The following GNG7 variants were observed in gnomAD, a reference collection of about 807,000 sequenced individuals.
GNG7 encodes guanine nucleotide-binding protein G(I)/G(S)/G(O) subunit gamma-7.
GNG7 carries 1 observed loss-of-function variant against 4.0 expected under a neutral mutation model. The observed-to-expected ratio is 0.25, with a 90% CI of 0.09 to 1.18. The LOEUF is 1.18. Among genes scored for constraint, GNG7 ranks in the 50% most tolerant of loss-of-function variants. The probability of loss-of-function intolerance (pLI) is 0.50; values close to 1 mark genes in which losing one functional copy is unlikely to be tolerated. For missense variants in GNG7, 86 were observed against 91.9 expected (o/e 0.94, Z 0.26); for synonymous variants, 34 against 36.9 (o/e 0.92, Z 0.29).
intron 1 of GNG7, among the ~76,000 whole-genome samples, chr19:2,690,072 C>CT (rs1300227494): frequency 6.6e-6 from 1 of 151,762 alleles, no homozygotes; most frequent in Non-Finnish European, 1.5e-5. Flanking sequence ...CTTCCTTTGA[C>CT]TTTTTTTTCC....
At position 2,641,664 on chromosome 19, in the gene GNG7, T is replaced by A. The variant is rs115425268; in HGVS notation, c.-78+4560A>T. Among the ~76,000 whole-genome samples, 506 of 152,164 alleles carry A rather than the reference T, an allele frequency of 3.3e-3. 2 individuals are homozygous for A. The highest frequency in any genetic ancestry group is 0.012 in the African/African-American group (489 of 41,516). On this transcript the variant is annotated intron_variant, in intron 2 of 4. Coordinates refer to ENST00000382159, the MANE Select transcript of GNG7 (RefSeq NM_052847.3). ...AGGCCTATGTTAGACTTCTTTTTTT[T>A]TTATTTTTTCTTTTTTTGAGATGGA...
intron 2 of GNG7, among the ~76,000 whole-genome samples, chr19:2,571,588 C>CTTTTTTTTTTTTTTTTTTTTTT (rs779497111): frequency 7.4e-5 from 5 of 68,012 alleles, no homozygotes; most frequent in Non-Finnish European, 1.0e-4. Context: ...CATTTCTTTC[C>CTTTTTTTTTTTTTTTTTTTTTT]TTTTTTTTTT....
rs762161135 is a variant in GNG7, at chr19:2,611,868, A to C, written c.-78+34356T>G. ...ATAAAAAGTAAAAGTAAAAGTAAAT[A>C]AAAATAAAAATCTTTTTTTTTTTTG... On this transcript the variant is annotated intron_variant, in intron 2 of 4. Transcript: ENST00000382159. This position sits in a 1 kb window ranked among gnomAD's most constrained non-coding sequence, Gnocchi z 6.0. 6.6e-6 allele frequency: 1 copy of C among 152,110 alleles called. No individual in the cohort carries two copies. The highest frequency in any genetic ancestry group is 1.5e-5 in the Non-Finnish European group (1 of 68,028). 9.4% of individuals were successfully genotyped at this position (152,110 alleles called of 1,614,324 possible).
Position 2,621,793 on chromosome 19 carries a change from C to G in GNG7, c.-78+24431G>C, listed in dbSNP as rs533384327. Among the ~76,000 whole-genome samples the G allele has an allele frequency of 3.3e-5, 5 of 152,282 alleles. No individual in the cohort carries two copies. The South Asian group carries it at 1.0e-3, about 32-fold the overall frequency. The stretch of plus-strand genomic sequence containing the variant: ...GACTGGAGCAATTCGACGGTAAGCA[C>G]AAGCCAGGTTTGCCAGAGCCCCCAG... On this transcript the variant is annotated intron_variant, in intron 2 of 4. Transcript: ENST00000382159.
chr19:2,574,877 G>T (rs1325737935), intron 2 of GNG7, among the ~76,000 whole-genome samples: 1 of 152,120 alleles, frequency 6.6e-6, no homozygotes, highest in African/African-American at 2.4e-5. Context: ...GTCCGAAACC[G>T]CACTTGTTAT....
rs74470831 is a variant in GNG7, at chr19:2,515,291, G to A, written c.82-144C>T. 1.3e-3 allele frequency: 1,180 copies of A among 903,636 alleles called. 10 individuals are homozygous for A. The African/African-American group carries it at 0.017, about 13-fold the overall frequency. The allele number at this position is 903,636 out of a possible 1,614,324, so 56.0% of individuals were successfully genotyped here. ...GGGGCGTGGGCAAACAGTGCGGCCC[G>A]TCCACACGCTGGAATATTACTCAGC... On this transcript the variant is annotated intron_variant, in intron 4 of 4. Transcript: ENST00000382159.
intron 1 of GNG7, among the ~76,000 whole-genome samples, chr19:2,661,270 A>AAAGAAAGAAAGAAAGAAAGAAAGG (rs1568277669): frequency 1.4e-4 from 10 of 70,916 alleles, no homozygotes; most frequent in Middle Eastern, 7.5e-3. Flanking sequence ...AGAAAGAAAG[A>AAAGAAAGAAAGAAAGAAAGAAAGG]AAAGAAAGAA....
chr19:2,701,882 C>T (rs1913408977), intron 1 of GNG7, among the ~76,000 whole-genome samples: 1 of 149,352 alleles, frequency 6.7e-6, no homozygotes. Flanking sequence ...GCCCCCTCCC[C>T]AGCTAACCTC....
At chr19:2,552,837 ATCC>A (rs1168428240) in intron 3 of GNG7, among the ~76,000 whole-genome samples, 1 of 113,424 alleles carries the variant, frequency 8.8e-6, no homozygotes, top group African/African-American at 3.3e-5. Flanking sequence ...TCCCCAAACC[ATCC>A]TCCCGGCTCC....
In GNG7 at chr19:2,653,511, A is replaced by G. The variant is rs2144869023; in HGVS notation, c.-134-7231T>C. ...GGTTTATACCGTCTTCCCCATCAGGAGTTTATCCTGGTGTCTGGAGTGAGA... is the reference window on the plus strand; with the variant it reads ...GGTTTATACCGTCTTCCCCATCAGGGGTTTATCCTGGTGTCTGGAGTGAGA... On this transcript the variant is annotated intron_variant, in intron 1 of 4. Transcript: ENST00000382159. The surrounding 1 kb of genome is among the most constrained non-coding windows in gnomAD (Gnocchi z 4.8). Among the ~76,000 whole-genome samples the G allele has an allele frequency of 6.6e-6, 1 of 152,164 alleles. No homozygotes were observed. The highest frequency in any genetic ancestry group is 1.5e-5 in the Non-Finnish European group (1 of 67,992).
intron 3 of GNG7, among the ~76,000 whole-genome samples, chr19:2,531,771 A>C (rs200235315): frequency 2.3e-3 from 138 of 59,844 alleles, no homozygotes; most frequent in Middle Eastern, 7.5e-3. Context: ...ACTCCGTCCC[A>C]AAAAAAAAAA....
intron 2 of GNG7, among the ~76,000 whole-genome samples, chr19:2,558,786 T>A (rs1979644933): frequency 6.6e-6 from 1 of 151,832 alleles, no homozygotes. Flanking sequence ...TTCTTCTCTC[T>A]CTTTCCTTTT....
chr19:2,546,581 G>T lies in GNG7; in HGVS notation c.-38+8568C>A, dbSNP rs770595983. 6.6e-6 allele frequency among the ~76,000 whole-genome samples: 1 copy of T among 152,204 alleles called. No individual in the cohort carries two copies. Among genetic ancestry groups the T allele is most frequent in the African/African-American group, 2.4e-5 (1 of 41,438 alleles). On this transcript the variant is annotated intron_variant, in intron 3 of 4. Transcript: ENST00000382159. The surrounding 1 kb of genome is among the most constrained non-coding windows in gnomAD (Gnocchi z 6.3). ...TATATTTAGAAGGGGCTAAAGAGAG[G>T]GAATGAATGAGGTGCCCACGAGAAA... is the stretch of plus-strand genomic sequence containing the variant.
At chr19:2,548,587 G>A (rs1027582786) in intron 3 of GNG7, among the ~76,000 whole-genome samples, 8 of 129,970 alleles carry the variant, frequency 6.2e-5, no homozygotes, top group South Asian at 2.5e-4. Flanking sequence ...TCAGGAGTTC[G>A]ATACCAGCCT....
chr19:2,666,107 C>G (rs183931743), intron 1 of GNG7, among the ~76,000 whole-genome samples: 1 of 152,274 alleles, frequency 6.6e-6, no homozygotes, highest in Admixed American at 6.5e-5. Context: ...CTCAGGTGAT[C>G]TGCCTGCTTC....
intron 2 of GNG7, among the ~76,000 whole-genome samples, chr19:2,606,981 G>C (rs547444358): frequency 2.6e-5 from 4 of 152,114 alleles, no homozygotes; most frequent in South Asian, 2.1e-4. Context: ...AGCACCTCAG[G>C]AGGCCGAGGC....
chr19:2,619,332 T>C (rs921215103), intron 2 of GNG7, among the ~76,000 whole-genome samples: 1 of 152,188 alleles, frequency 6.6e-6, no homozygotes, highest in African/African-American at 2.4e-5. Context: ...ATATTGCTTG[T>C]GGTGGCTTTC....
intron 2 of GNG7, among the ~76,000 whole-genome samples, chr19:2,594,755 A>G (rs1436393176): frequency 6.6e-6 from 1 of 152,158 alleles, no homozygotes; most frequent in Admixed American, 6.6e-5. Context: ...AACTTGCTCC[A>G]TGATTATCAA....
chr19:2,626,608 T>C lies in GNG7; in HGVS notation c.-78+19616A>G, dbSNP rs1049890481. On this transcript the variant is annotated intron_variant, in intron 2 of 4. Transcript: ENST00000382159. This position sits in a 1 kb window ranked among gnomAD's most constrained non-coding sequence, Gnocchi z 5.0. Reference sequence around the variant, plus strand: ...GTCACTTCCTCCAGGAAGCCCTCCCTGAATTCCCGAACAAAGCTCCTGGTG... The same window carrying C: ...GTCACTTCCTCCAGGAAGCCCTCCCCGAATTCCCGAACAAAGCTCCTGGTG... Among the ~76,000 whole-genome samples, 1 of 152,192 alleles carries C rather than the reference T, an allele frequency of 6.6e-6. No individual in the cohort carries two copies. The highest frequency in any genetic ancestry group is 6.5e-5 in the Admixed American group (1 of 15,286).
Sources: allele counts gnomAD v4.1 joint callset (sites outside exome capture counted in the v4.1 genomes callset), GRCh38; gene constraint gnomAD v4.1.1; non-coding constraint Gnocchi (gnomAD v3.1); transcripts MANE v1.5; gene names NCBI Gene and HGNC (gene_info 2026-07-23, HGNC 2026-07-21).